GPR158: variants seen among roughly 807,000 people sequenced by gnomAD.
GPR158 encodes G protein-coupled receptor 158.
Under a neutral mutation model 78.2 loss-of-function variants are expected in GPR158, and 30 were observed. That is an observed-to-expected ratio of 0.38 (90% CI 0.29 to 0.52). GPR158 has a LOEUF of 0.52. Ranked by LOEUF, GPR158 falls within the 20% of genes least tolerant of loss-of-function variation. The probability of loss-of-function intolerance (pLI) is 0.83; values close to 1 mark genes in which losing one functional copy is unlikely to be tolerated. For synonymous variants in GPR158, 581 were observed against 591.1 expected (o/e 0.98, Z 0.25); for missense variants, 1,463 against 1,523.5 (o/e 0.96, Z 0.66).
intron 2 of GPR158, among the ~76,000 whole-genome samples, chr10:25,332,700 CTAACTT>C (rs1034254700): frequency 3.9e-5 from 6 of 152,170 alleles, no homozygotes; most frequent in African/African-American, 1.4e-4. Context: ...CCTCTTCCCT[CTAACTT>C]TAAATAATAA....
At chr10:25,410,345 C>T (rs1156524271) in intron 3 of GPR158, among the ~76,000 whole-genome samples, 13 of 152,102 alleles carry the variant, frequency 8.5e-5, no homozygotes, top group Non-Finnish European at 1.3e-4. Context: ...CAACCAGGTG[C>T]GGTGGCTCAC....
At chr10:25,554,452 T>C (rs951144666) in intron 6 of GPR158, among the ~76,000 whole-genome samples, 2 of 152,142 alleles carry the variant, frequency 1.3e-5, no homozygotes, top group Admixed American at 1.3e-4. Context: ...CACTAATTGA[T>C]TGTAGTATTT....
At chr10:25,527,057 C>G (rs891802774) in intron 5 of GPR158, among the ~76,000 whole-genome samples, 2 of 140,242 alleles carry the variant, frequency 1.4e-5, no homozygotes, top group African/African-American at 6.0e-5. Flanking sequence ...GACATGTTAT[C>G]ATGATGATAA....
intron 1 of GPR158, among the ~76,000 whole-genome samples, chr10:25,211,517 G>A (rs910460145): frequency 1.3e-5 from 2 of 152,106 alleles, no homozygotes; most frequent in Admixed American, 1.3e-4. Context: ...TGCTTTTATA[G>A]CAAACCCACT....
Position 25,175,399 on chromosome 10 carries a change from T to C in GPR158, c.-22T>C. The C allele has an allele frequency of 7.0e-7, 1 of 1,429,704 alleles. No individual in the cohort carries two copies. Among genetic ancestry groups the C allele is most frequent in the African/African-American group, 1.4e-5 (1 of 70,012 alleles). The allele number at this position is 1,429,704 out of a possible 1,614,324, so 88.6% of individuals were successfully genotyped here. On this transcript the variant is annotated 5_prime_UTR_variant, in exon 1 of 11. Transcript: ENST00000376351. This position sits in a 1 kb window ranked among gnomAD's most constrained non-coding sequence, Gnocchi z 6.4. ...AGTGATTCCCCCCCCTCCCGTTCCCTCCTCTTCTCTCTGGGAGGCAGATGG... is the reference window on the plus strand; with the variant it reads ...AGTGATTCCCCCCCCTCCCGTTCCCCCCTCTTCTCTCTGGGAGGCAGATGG...
At chr10:25,584,575 T>A (rs1411860688) in intron 7 of GPR158, among the ~76,000 whole-genome samples, 1 of 152,212 alleles carries the variant, frequency 6.6e-6, no homozygotes, top group Non-Finnish European at 1.5e-5. Context: ...ATGTAAAAAC[T>A]GTGTGGTAAG....
intron 5 of GPR158, among the ~76,000 whole-genome samples, chr10:25,489,504 CA>C (rs758493952): frequency 2.1e-4 from 32 of 152,110 alleles, no homozygotes; most frequent in South Asian, 2.1e-4. Flanking sequence ...TACTGTAGAA[CA>C]GTGAATGAGG....
intron 3 of GPR158, among the ~76,000 whole-genome samples, chr10:25,411,616 G>C (rs973927115): frequency 6.6e-6 from 1 of 151,980 alleles, no homozygotes. Context: ...TTGCTTTTCA[G>C]TTGGTGAGTG....
intron 2 of GPR158, among the ~76,000 whole-genome samples, chr10:25,258,611 G>A (rs192336626): frequency 2.1e-3 from 323 of 152,016 alleles, no homozygotes; most frequent in African/African-American, 7.5e-3. Context: ...TTTTGTTATG[G>A]TAGGAGGTAG....
At chr10:25,520,399 T>C (rs936632103) in intron 5 of GPR158, among the ~76,000 whole-genome samples, 47 of 149,080 alleles carry the variant, frequency 3.2e-4, no homozygotes, top group Middle Eastern at 3.4e-3. Context: ...CCATCCAGCT[T>C]TGTTCTGTTG....
intron 4 of GPR158, among the ~76,000 whole-genome samples, chr10:25,455,408 G>A (rs950450407): frequency 9.9e-5 from 15 of 151,694 alleles, no homozygotes; most frequent in African/African-American, 1.7e-4. Flanking sequence ...TTTTTCTAAC[G>A]TTTGGTTTTA....
intron 5 of GPR158, among the ~76,000 whole-genome samples, chr10:25,511,470 A>AT (rs1361104041): frequency 6.6e-6 from 1 of 151,918 alleles, no homozygotes; most frequent in Non-Finnish European, 1.5e-5. Context: ...GATTGCAAAA[A>AT]TTTTCTTCCA....
At chr10:25,525,889 C>T (rs1229269777) in intron 5 of GPR158, among the ~76,000 whole-genome samples, 1 of 151,880 alleles carries the variant, frequency 6.6e-6, no homozygotes, top group Non-Finnish European at 1.5e-5. Context: ...GGTGGATCAC[C>T]TGAGGTCAGG....
At chr10:25,430,587 C>T (rs1834887815) in intron 4 of GPR158, among the ~76,000 whole-genome samples, 1 of 151,080 alleles carries the variant, frequency 6.6e-6, no homozygotes. Flanking sequence ...AAGCTGGAGG[C>T]ATCATGCTAC....
At chr10:25,181,491 A>C (rs1354730858) in intron 1 of GPR158, among the ~76,000 whole-genome samples, 1 of 152,194 alleles carries the variant, frequency 6.6e-6, no homozygotes, top group East Asian at 1.9e-4. Flanking sequence ...TCTAATCATT[A>C]TGAAGGCTTG....
At chr10:25,477,069 C>T (rs1457595919) in intron 5 of GPR158, among the ~76,000 whole-genome samples, 2 of 152,060 alleles carry the variant, frequency 1.3e-5, no homozygotes, top group Non-Finnish European at 2.9e-5. Context: ...TTGTTTTCTT[C>T]AATGATCACC....
intron 4 of GPR158, among the ~76,000 whole-genome samples, chr10:25,449,608 G>A (rs1339917282): frequency 6.6e-6 from 1 of 152,138 alleles, no homozygotes; most frequent in Non-Finnish European, 1.5e-5. Flanking sequence ...GGTGGGTACT[G>A]GAAGATGTTG....
intron 2 of GPR158, among the ~76,000 whole-genome samples, chr10:25,284,651 A>G (rs1854321577): frequency 1.3e-5 from 2 of 151,858 alleles, no homozygotes; most frequent in African/African-American, 4.8e-5. Context: ...ATTAAAATAT[A>G]ATGTCTTGCT....
chr10:25,251,770 G>T (rs2130722476), intron 2 of GPR158, among the ~76,000 whole-genome samples: 1 of 150,810 alleles, frequency 6.6e-6, no homozygotes, highest in South Asian at 2.1e-4. Flanking sequence ...TTCAACTTTG[G>T]TGAATCTGAC....
Sources: allele counts gnomAD v4.1 joint callset (sites outside exome capture counted in the v4.1 genomes callset), GRCh38; gene constraint gnomAD v4.1.1; non-coding constraint Gnocchi (gnomAD v3.1); transcripts MANE v1.5; gene names NCBI Gene and HGNC (gene_info 2026-07-23, HGNC 2026-07-21).